Variants in BCAS3 observed in about 807,000 individuals in gnomAD.
BCAS3 encodes BCAS4/BCAS3 fusion.
Under a neutral mutation model 116.1 loss-of-function variants are expected in BCAS3, and 53 were observed. The observed-to-expected ratio is 0.46, with a 90% confidence interval of 0.37 to 0.57. The LOEUF is 0.57. BCAS3 is among the 20% of genes least tolerant of loss of function. BCAS3 has a pLI of 0.00. For synonymous variants in BCAS3, 391 were observed against 408.2 expected (o/e 0.96, Z 0.51); for missense variants, 917 against 1,165.4 (o/e 0.79, Z 3.10).
intron 22 of BCAS3, among the ~76,000 whole-genome samples, chr17:61,225,782 C>G (rs2082339855): frequency 6.6e-6 from 1 of 152,080 alleles, no homozygotes; most frequent in South Asian, 2.1e-4. Flanking sequence ...CACGTGTAAT[C>G]AGTTTACTCT....
At chr17:60,705,754 A>T (rs371310486) in intron 4 of BCAS3, among the ~76,000 whole-genome samples, 2 of 152,166 alleles carry the variant, frequency 1.3e-5, no homozygotes, top group South Asian at 2.1e-4. Context: ...AGTCTGCCAG[A>T]AAGCTTCCAA....
At chr17:61,322,879 A>T (rs1401316266) in intron 22 of BCAS3, among the ~76,000 whole-genome samples, 2 of 140,520 alleles carry the variant, frequency 1.4e-5, no homozygotes, top group African/African-American at 5.4e-5. Flanking sequence ...AGAGAGAGAG[A>T]GGTGGTGGGG....
chr17:60,963,124 GT>G (rs1282547307), intron 14 of BCAS3, among the ~76,000 whole-genome samples: 4 of 152,150 alleles, frequency 2.6e-5, no homozygotes, highest in African/African-American at 9.7e-5. Context: ...GCACCATGCT[GT>G]TTTGGTTATT....
At chr17:61,135,689 A>T (rs1399810867) in intron 22 of BCAS3, among the ~76,000 whole-genome samples, 2 of 152,348 alleles carry the variant, frequency 1.3e-5, no homozygotes, top group African/African-American at 4.8e-5. Flanking sequence ...GAGGAAAAAC[A>T]TCAAAAGAAG....
chr17:60,912,273 A>T (rs920840856), intron 12 of BCAS3, among the ~76,000 whole-genome samples: 10 of 152,130 alleles, frequency 6.6e-5, no homozygotes, highest in Non-Finnish European at 1.3e-4. Context: ...TATAGAATAT[A>T]TATTTAATTC....
intron 22 of BCAS3, among the ~76,000 whole-genome samples, chr17:61,297,722 G>GGTGAAATC (rs2053056372): frequency 6.6e-6 from 1 of 152,046 alleles, no homozygotes; most frequent in South Asian, 2.1e-4. Flanking sequence ...TGGTGGAGAG[G>GGTGAAATC]GTGAAATCGG....
At chr17:60,823,127 TG>T (rs1249153716) in intron 7 of BCAS3, among the ~76,000 whole-genome samples, 4 of 152,230 alleles carry the variant, frequency 2.6e-5, no homozygotes, top group African/African-American at 9.6e-5. Context: ...TAACCATATT[TG>T]TATTAAAACA....
In BCAS3 at chr17:61,265,303, T is replaced by C. The variant is rs576464732; in HGVS notation, c.2426-103024T>C. On this transcript the variant is annotated intron_variant, in intron 22 of 23. Transcript: ENST00000407086. The surrounding 1 kb of genome is among the most constrained non-coding windows in gnomAD (Gnocchi z 4.3). Reference sequence around the variant, plus strand: ...GGCGCATGCCTGTAATCCCGGGAGGTTGAGGCAGGAGAATCGTTCGAACCC... The same window carrying C: ...GGCGCATGCCTGTAATCCCGGGAGGCTGAGGCAGGAGAATCGTTCGAACCC... Among the ~76,000 whole-genome samples the C allele has an allele frequency of 7.3e-4, 109 of 149,250 alleles. No individual in the cohort carries two copies. Among genetic ancestry groups the C allele is most frequent in the Non-Finnish European group, 1.5e-3 (99 of 67,212 alleles).
rs377632351 is a variant in BCAS3 at position 61,270,627 on chromosome 17, C to T, written c.2426-97700C>T. ...TATTTGTCTACTTTTGCTTTCATTG[C>T]CTGCGCTTTTGTTATCATATGTTAC... On this transcript the variant is annotated intron_variant, in intron 22 of 23. Transcript: ENST00000407086. Among the ~76,000 whole-genome samples the T allele has an allele frequency of 4.6e-5, 7 of 152,138 alleles. No individual in the cohort carries two copies. In the East Asian group the frequency reaches 9.6e-4, roughly 21 times the overall value.
chr17:60,937,162 A>T (rs571737544), intron 13 of BCAS3, among the ~76,000 whole-genome samples: 18 of 151,932 alleles, frequency 1.2e-4, no homozygotes, highest in Non-Finnish European at 2.5e-4. Flanking sequence ...CAAAGATCAG[A>T]TGGTTGTAGA....
Position 61,380,268 on chromosome 17 carries a change from C to A in BCAS3, c.2594-11709C>A. The A allele has an allele frequency of 1.8e-6, 1 of 551,128 alleles. No individual in the cohort carries two copies. The highest frequency in any genetic ancestry group is 3.1e-5 in the Admixed American group (1 of 32,552). The allele number at this position is 551,128 out of a possible 1,614,324, so 34.1% of individuals were successfully genotyped here. ...TGTGCAGCAGGCAGGAGTGTAGGAACTCAGGCAGCTGGACTGGGGAGGAGG... is the reference window on the plus strand; with the variant it reads ...TGTGCAGCAGGCAGGAGTGTAGGAAATCAGGCAGCTGGACTGGGGAGGAGG... On this transcript the variant is annotated intron_variant, in intron 23 of 23. Transcript: ENST00000407086. This position sits in a 1 kb window ranked among gnomAD's most constrained non-coding sequence, Gnocchi z 4.2.
At chr17:60,707,914 T>C (rs1237126000) in intron 4 of BCAS3, among the ~76,000 whole-genome samples, 1 of 152,222 alleles carries the variant, frequency 6.6e-6, no homozygotes, top group Non-Finnish European at 1.5e-5. Context: ...TTGTAAAGTA[T>C]TTTTATATAT....
At chr17:61,358,430 A>C (rs1338938548) in intron 22 of BCAS3, among the ~76,000 whole-genome samples, 1 of 151,312 alleles carries the variant, frequency 6.6e-6, no homozygotes, top group Non-Finnish European at 1.5e-5. Flanking sequence ...GTTGCTTCCT[A>C]GGTTATTTAT....
intron 10 of BCAS3, chr17:60,900,084 G>A (rs753105204): frequency 2.0e-5 from 3 of 152,056 alleles, no homozygotes; most frequent in African/African-American, 4.8e-5. Flanking sequence ...ACCAGCCCAG[G>A]TTGGAAATAG....
intron 16 of BCAS3, among the ~76,000 whole-genome samples, chr17:61,031,599 T>C (rs1229015750): frequency 6.6e-6 from 1 of 152,120 alleles, no homozygotes; most frequent in Non-Finnish European, 1.5e-5. Context: ...TTTATGTTTT[T>C]ATTTTGCTGA....
chr17:60,999,272 G>T (rs1351653950), intron 15 of BCAS3, among the ~76,000 whole-genome samples: 2 of 152,104 alleles, frequency 1.3e-5, no homozygotes, highest in Non-Finnish European at 2.9e-5. Flanking sequence ...AGGCGCGGTG[G>T]CTCACGCCTG....
chr17:60,741,968 A>C (rs548437097), intron 5 of BCAS3, among the ~76,000 whole-genome samples: 32 of 152,320 alleles, frequency 2.1e-4, no homozygotes, highest in Middle Eastern at 3.4e-3. Context: ...GATCTCATAC[A>C]ACTATATAAG....
intron 22 of BCAS3, among the ~76,000 whole-genome samples, chr17:61,246,471 G>GA (rs1007852809): frequency 0.14 from 4,588 of 33,364 alleles, 566 homozygotes; most frequent in African/African-American, 0.22. Context: ...GACTGTCTCA[G>GA]AAAAAAAAAA....
intron 22 of BCAS3, among the ~76,000 whole-genome samples, chr17:61,231,808 A>G (rs1276229705): frequency 6.7e-6 from 1 of 148,572 alleles, no homozygotes; most frequent in Non-Finnish European, 1.5e-5. Context: ...AGCCTGAGAG[A>G]TCGAAGCTAC....
Sources: gnomAD v4.1 joint callset for allele counts (sites outside exome capture counted in the v4.1 genomes callset) on GRCh38, gnomAD v4.1.1 for gene constraint, Gnocchi (gnomAD v3.1) non-coding constraint, MANE v1.5 for transcripts, NCBI Gene and HGNC (gene_info 2026-07-23, HGNC 2026-07-21) for gene names.